The following PDLIM4 variants were observed in gnomAD, a reference collection of about 807,000 sequenced individuals.
PDLIM4 encodes the protein PDZ and LIM domain 4.
Under a neutral mutation model 31.3 loss-of-function variants are expected in PDLIM4, and 19 were observed. The observed-to-expected ratio is 0.61, with a 90% CI of 0.42 to 0.89. The LOEUF is 0.89. Among genes scored for constraint, PDLIM4 ranks in the 40% least tolerant of loss-of-function variants. The pLI, the probability that PDLIM4 is intolerant of heterozygous loss-of-function variation, is 0.00. For synonymous variants in PDLIM4, 176 were observed against 190.1 expected, an observed-to-expected ratio of 0.93 and a Z score of 0.61; for missense variants, 442 against 461.1, an observed-to-expected ratio of 0.96 and a Z score of 0.38.
Position 132,270,895 on chromosome 5 carries a change from C to T in PDLIM4, c.328-20C>T. ...TGGAGGCCAGAGGGTCTCCCAGTGCCTTAGGCCTCTCTCTAATAGGACGGC... is the reference window on the plus strand; with the variant it reads ...TGGAGGCCAGAGGGTCTCCCAGTGCTTTAGGCCTCTCTCTAATAGGACGGC... On this transcript the variant is annotated intron_variant, in intron 3 of 6. Transcript: ENST00000253754. 6.2e-7 allele frequency: 1 copy of T among 1,612,514 alleles called. No individual in the cohort carries two copies. The highest frequency in any genetic ancestry group is 8.5e-7 in the Non-Finnish European group (1 of 1,178,664).
chr5:132,257,999 C>T lies in PDLIM4; in HGVS notation c.93+172C>T, dbSNP rs1253135208. Among the ~76,000 whole-genome samples the T allele has an allele frequency of 6.6e-6, 1 of 152,146 alleles. No homozygotes were observed. The highest frequency in any genetic ancestry group is 2.4e-5 in the African/African-American group (1 of 41,434). ...CCAGGCAGAGGCAGGCAGCCCCAGCCGCCCTCCTCCCACGCTGGGCCTGTC... is the reference window on the plus strand; with the variant it reads ...CCAGGCAGAGGCAGGCAGCCCCAGCTGCCCTCCTCCCACGCTGGGCCTGTC... On this transcript the variant is annotated intron_variant, in intron 1 of 6. Transcript: ENST00000253754. This position sits in a 1 kb window ranked among gnomAD's most constrained non-coding sequence, Gnocchi z 4.3.
chr5:132,270,225 G>T (rs1756574452), intron 3 of PDLIM4, among the ~76,000 whole-genome samples: 1 of 152,202 alleles, frequency 6.6e-6, no homozygotes, highest in Admixed American at 6.5e-5. Context: ...GGCTGGCTGT[G>T]GGGTAGTGGG....
chr5:132,271,656 C>T (rs1229167271), intron 5 of PDLIM4, 135 bp from the exon 6 acceptor site: 3 of 940,980 alleles, frequency 3.2e-6, no homozygotes, highest in Non-Finnish European at 5.2e-6. Flanking sequence ...TGTCGCTGCC[C>T]CTCACCCCAC....
At chr5:132,266,423 G>A (rs201148839) in intron 2 of PDLIM4, 41 bp from the exon 3 acceptor site, 80 of 1,368,956 alleles carry the variant, frequency 5.8e-5, no homozygotes, top group African/African-American at 3.5e-4. Context: ...CATGGTGGGC[G>A]TGGTAGGAGA....
At chr5:132,271,574 C>A in intron 5 of PDLIM4, 108 bp downstream of exon 5, 1 of 1,220,550 alleles carries the variant, frequency 8.2e-7, no homozygotes, top group Non-Finnish European at 1.2e-6. Flanking sequence ...CCTCTTCGGT[C>A]TCTGCGGCCC....
At chr5:132,263,646 A>C (rs985665221) in intron 2 of PDLIM4, among the ~76,000 whole-genome samples, 1 of 152,132 alleles carries the variant, frequency 6.6e-6, no homozygotes, top group African/African-American at 2.4e-5. Context: ...GGCATAACTT[A>C]TCAGCTCTGC....
chr5:132,263,910 T>C (rs922721939), intron 2 of PDLIM4, among the ~76,000 whole-genome samples: 5 of 152,200 alleles, frequency 3.3e-5, no homozygotes, highest in African/African-American at 1.2e-4. Context: ...GAGCCTTAGG[T>C]GCCCAGATGA....
Position 132,261,952 on chromosome 5 carries a change from G to A in PDLIM4, c.94-657G>A, listed in dbSNP as rs185030218. Among the ~76,000 whole-genome samples, 332 of 152,324 alleles carry A rather than the reference G, an allele frequency of 2.2e-3. 1 individual carries two copies. Among genetic ancestry groups the A allele is most frequent in the Non-Finnish European group, 2.3e-3 (155 of 68,030 alleles). On this transcript the variant is annotated intron_variant, in intron 1 of 6. Transcript: ENST00000253754. Reference sequence around the variant, plus strand: ...ACACTGGGTAGTGAGATCCCAGAGAGGCTCCCAGAGGAAGTGGCCTCTATG... The same window carrying A: ...ACACTGGGTAGTGAGATCCCAGAGAAGCTCCCAGAGGAAGTGGCCTCTATG...
chr5:132,266,414 A>C, intron 2 of PDLIM4, 50 bp from the exon 3 acceptor site: 7 of 1,289,288 alleles, frequency 5.4e-6, no homozygotes, highest in Non-Finnish European at 7.9e-6. Flanking sequence ...GCTCCCAGGC[A>C]TGGTGGGCGT....
chr5:132,259,210 C>T (rs1561519510), intron 1 of PDLIM4, among the ~76,000 whole-genome samples: 3 of 150,466 alleles, frequency 2.0e-5, no homozygotes, highest in Non-Finnish European at 1.5e-5. Context: ...GCTGTGTGTC[C>T]GCTGAGGGGG....
chr5:132,271,429 C>A lies in PDLIM4; in HGVS notation c.633C>A (p.Phe211Leu). 1 of 1,609,196 alleles carries A rather than the reference C, an allele frequency of 6.2e-7. No homozygotes were observed. ...CGGAGCCCAAGCAGTCAGGCTCCTT[C>A]CGCTACTTGCAGGGCATGCTAGAGG... ...VAAEPKQSGS[F>L]RYLQGMLEAG... The change falls in exon 5 of 7, where the codon TTC (phenylalanine) becomes TTA (leucine). Residue 211 changes from phenylalanine to leucine, a missense_variant. Phe to Leu is a conservative substitution (Grantham distance 22). Coordinates refer to ENST00000253754, the MANE Select transcript of PDLIM4 (RefSeq NM_003687.4).
At position 132,272,042 on chromosome 5, in the gene PDLIM4, C is replaced by T. The variant is rs757482745; in HGVS notation, c.806C>T (p.Ala269Val). The part of the protein sequence containing the change: ...GHGIVGTIVK[A>V]RDKLYHPECF... ...CCCATCAGGGGCACCATCGTCAAGG[C>T]ACGGGACAAGCTCTACCATCCCGAG... Residue 269 changes from alanine (A) to valine (V), a missense_variant, in exon 7 of 7, where the codon GCA becomes GTA. Physicochemically the swap from Ala to Val is moderately conservative, Grantham distance 64. Transcript: ENST00000253754. The T allele has an allele frequency of 5.6e-6, 9 of 1,614,082 alleles. No homozygotes were observed. Among genetic ancestry groups the T allele is most frequent in the Non-Finnish European group, 7.6e-6 (9 of 1,179,984 alleles).
At chr5:132,262,353 C>T (rs2126672269) in intron 1 of PDLIM4, among the ~76,000 whole-genome samples, 2 of 152,326 alleles carry the variant, frequency 1.3e-5, no homozygotes, top group East Asian at 3.9e-4. Context: ...ATCCATTTGT[C>T]CCAGCCCTGA....
At chr5:132,261,546 A>C (rs1756373662) in intron 1 of PDLIM4, 1 of 152,214 alleles carries the variant, frequency 6.6e-6, no homozygotes, top group Non-Finnish European at 1.5e-5. Context: ...CTGGGTAAGA[A>C]ATATATTTCT....
At chr5:132,271,544 C>A in intron 5 of PDLIM4, 78 bp downstream of exon 5, 1 of 1,450,218 alleles carries the variant, frequency 6.9e-7, no homozygotes, top group Non-Finnish European at 9.6e-7. Flanking sequence ...GACCCCACGT[C>A]CCGCCTCGCA....
At chr5:132,269,899 C>T (rs749830814) in intron 3 of PDLIM4, among the ~76,000 whole-genome samples, 8 of 152,340 alleles carry the variant, frequency 5.3e-5, no homozygotes, top group South Asian at 2.1e-4. Context: ...GTGACCAGTG[C>T]TGGCTCCAAG....
At chr5:132,259,766 G>T (rs1324750560) in intron 1 of PDLIM4, among the ~76,000 whole-genome samples, 1 of 152,152 alleles carries the variant, frequency 6.6e-6, no homozygotes, top group Non-Finnish European at 1.5e-5. Context: ...CTATCGGCCC[G>T]GCAGGGCTGG....
intron 4 of PDLIM4, 48 bp downstream of exon 4, chr5:132,271,141 C>A: frequency 6.4e-7 from 1 of 1,571,838 alleles, no homozygotes; most frequent in Non-Finnish European, 8.7e-7. Context: ...CATCTTAACC[C>A]TTGATCCCTC....
intron 1 of PDLIM4, among the ~76,000 whole-genome samples, chr5:132,259,344 C>T (rs1197898252): frequency 6.6e-6 from 1 of 152,116 alleles, no homozygotes; most frequent in Non-Finnish European, 1.5e-5. Flanking sequence ...ACGCGGCTGC[C>T]TGCCCTCCGA....
Sources: allele counts gnomAD v4.1 joint callset (sites outside exome capture counted in the v4.1 genomes callset), GRCh38; gene constraint gnomAD v4.1.1; non-coding constraint Gnocchi (gnomAD v3.1); transcripts MANE v1.5; gene names NCBI Gene and HGNC (gene_info 2026-07-23, HGNC 2026-07-21).